The following SEZ6L variants were observed in gnomAD, a reference collection of about 807,000 sequenced individuals.
SEZ6L encodes the protein seizure 6-like protein.
In SEZ6L, 37 loss-of-function variants were observed where a neutral mutation model predicts 106.2. The observed-to-expected ratio is 0.35, with a 90% CI of 0.27 to 0.46. The LOEUF is 0.46. SEZ6L is among the 20% of genes least tolerant of loss of function. The pLI is 1.00. For synonymous variants in SEZ6L, 541 were observed against 570.4 expected (o/e 0.95, Z 0.73); for missense variants, 1,172 against 1,332.8 (o/e 0.88, Z 1.88).
chr22:26,319,261 C>T (rs8138872), intron 9 of SEZ6L, among the ~76,000 whole-genome samples: 73,459 of 151,984 alleles, frequency 0.48, 17,940 homozygotes, highest in South Asian at 0.69. Context: ...GCCACCACTG[C>T]GTCTTCCCAG....
At chr22:26,175,213 G>A (rs182399216) in intron 1 of SEZ6L, among the ~76,000 whole-genome samples, 201 of 152,336 alleles carry the variant, frequency 1.3e-3, no homozygotes, top group African/African-American at 4.7e-3. Context: ...AAGCATTTAA[G>A]TAAAGCTGGT....
chr22:26,313,832 G>T lies in SEZ6L; in HGVS notation c.1945G>T (p.Val649Leu). Reference protein sequence around the residue: ...VLSPNWPEPYVEGEDCIWKIH... With the variant: ...VLSPNWPEPYLEGEDCIWKIH... ...GTCCCCAAACTGGCCCGAGCCCTAC[G>T]TGGAAGGTGAAGATTGTATCTGGAA... is the stretch of plus-strand genomic sequence containing the variant. The change falls in exon 9 of 17, where the codon GTG becomes TTG. Residue 649 changes from valine to leucine, a missense_variant. This residue lies in a region of SEZ6L where 534 missense variants were observed against 691.0 expected (regional missense o/e 0.77). Transcript: ENST00000248933. 6.2e-7 allele frequency: 1 copy of T among 1,613,372 alleles called. No homozygotes were observed. The highest frequency in any genetic ancestry group is 2.2e-5 in the East Asian group (1 of 44,880).
At chr22:26,319,197 T>C (rs1217095189) in intron 9 of SEZ6L, among the ~76,000 whole-genome samples, 1 of 152,166 alleles carries the variant, frequency 6.6e-6, no homozygotes, top group Non-Finnish European at 1.5e-5. Context: ...AAAGTCAAAG[T>C]CTTCCCAGAG....
chr22:26,314,071 T>TAC lies in SEZ6L; in HGVS notation c.2015+193_2015+194dup, dbSNP rs55746736. Among the ~76,000 whole-genome samples, 526 of 145,700 alleles carry TAC rather than the reference T, an allele frequency of 3.6e-3. 3 individuals carry two copies. Among genetic ancestry groups the TAC allele is most frequent in the East Asian group, 0.017 (81 of 4,858 alleles). ...GTGAGACCAAGAACAGCATCACAAA[T>TAC]ACACACACACACACACACACACACA... On this transcript the variant is annotated intron_variant, in intron 9 of 16. Transcript: ENST00000248933.
chr22:26,377,760 C>T lies in SEZ6L; in HGVS notation c.3030C>T (p.Pro1010=). The T allele has an allele frequency of 6.2e-7, 1 of 1,612,326 alleles. No individual in the cohort carries two copies. The highest frequency in any genetic ancestry group is 1.1e-5 in the South Asian group (1 of 91,044). Residue 1010 remains proline, a synonymous_variant, in exon 16 of 17, where the codon CCC becomes CCT. Coordinates refer to ENST00000248933, the MANE Select transcript of SEZ6L (RefSeq NM_021115.5). ...QITVETEFDN[P]IYETGETREY... is the part of the protein sequence containing the mutation. ...CCGTGGAAACCGAGTTTGACAACCC[C>T]ATTTACGAGACAGGGGTGAGTTGGT...
chr22:26,185,381 T>C (rs1203636554), intron 1 of SEZ6L, among the ~76,000 whole-genome samples: 1 of 152,204 alleles, frequency 6.6e-6, no homozygotes, highest in Non-Finnish European at 1.5e-5. Context: ...GCCAAAAATA[T>C]GCTGTGTGAC....
intron 3 of SEZ6L, 35 bp downstream of exon 3, chr22:26,294,460 CG>C (rs2081232808): frequency 1.2e-6 from 2 of 1,600,170 alleles, no homozygotes; most frequent in East Asian, 4.5e-5. Flanking sequence ...GAGGCTGCCT[CG>C]TCTAGCAGGA....
chr22:26,198,803 G>T lies in SEZ6L; in HGVS notation c.94+29040G>T, dbSNP rs544808636. ...TGACATTTCCTTTAGGACCTGTGAAGCTGAGACTGCTCCCGGTAGACATTC... is the reference window on the plus strand; with the variant it reads ...TGACATTTCCTTTAGGACCTGTGAATCTGAGACTGCTCCCGGTAGACATTC... On this transcript the variant is annotated intron_variant, in intron 1 of 16. Coordinates refer to ENST00000248933, the MANE Select transcript of SEZ6L (RefSeq NM_021115.5). 7.2e-5 allele frequency among the ~76,000 whole-genome samples: 11 copies of T among 152,360 alleles called. No individual in the cohort carries two copies. In the East Asian group the frequency reaches 2.1e-3, roughly 29 times the overall value.
At chr22:26,366,942 C>T (rs1053923081) in intron 13 of SEZ6L, among the ~76,000 whole-genome samples, 1 of 152,098 alleles carries the variant, frequency 6.6e-6, no homozygotes, top group Non-Finnish European at 1.5e-5. Flanking sequence ...GCCACCACAC[C>T]CAGCTGTAGA....
chr22:26,266,598 TAA>T (rs1178066940), intron 1 of SEZ6L, among the ~76,000 whole-genome samples: 1 of 147,774 alleles, frequency 6.8e-6, no homozygotes, highest in African/African-American at 2.6e-5. Context: ...AATAAATAAA[TAA>T]ATAAATAAAT....
chr22:26,176,539 T>C (rs1218423980), intron 1 of SEZ6L, among the ~76,000 whole-genome samples: 2 of 152,234 alleles, frequency 1.3e-5, no homozygotes, highest in Non-Finnish European at 2.9e-5. Context: ...GCCTGGACTG[T>C]CATCCTAGAG....
chr22:26,283,561 A>G (rs71321084), intron 1 of SEZ6L, among the ~76,000 whole-genome samples: 8 of 152,244 alleles, frequency 5.3e-5, no homozygotes, highest in Admixed American at 4.6e-4. Flanking sequence ...TTGATCAACA[A>G]CAACAATAAA....
At chr22:26,342,978 G>A (rs1424794201) in intron 10 of SEZ6L, among the ~76,000 whole-genome samples, 1 of 152,176 alleles carries the variant, frequency 6.6e-6, no homozygotes, top group Non-Finnish European at 1.5e-5. Context: ...CCACCTCTCA[G>A]AGAGGCTAAC....
intron 1 of SEZ6L, among the ~76,000 whole-genome samples, chr22:26,269,485 C>T (rs1011400777): frequency 6.6e-6 from 1 of 151,772 alleles, no homozygotes; most frequent in Non-Finnish European, 1.5e-5. Flanking sequence ...GGAACCCTAA[C>T]CTCGTTGTTT....
At chr22:26,222,856 C>T (rs1184832828) in intron 1 of SEZ6L, among the ~76,000 whole-genome samples, 1 of 152,028 alleles carries the variant, frequency 6.6e-6, no homozygotes, top group African/African-American at 2.4e-5. Flanking sequence ...CAATTTTGCC[C>T]ACCAGGAGAT....
At chr22:26,280,479 C>T (rs887589610) in intron 1 of SEZ6L, among the ~76,000 whole-genome samples, 2 of 152,080 alleles carry the variant, frequency 1.3e-5, no homozygotes, top group East Asian at 1.9e-4. Context: ...TGTTTTTGCA[C>T]GAAAGGTAGC....
intron 1 of SEZ6L, among the ~76,000 whole-genome samples, chr22:26,274,310 T>A (rs62225678): frequency 0.29 from 43,384 of 150,744 alleles, 6,998 homozygotes; most frequent in Non-Finnish European, 0.37. Flanking sequence ...ATATAGGACC[T>A]TGGATATAGG....
intron 5 of SEZ6L, among the ~76,000 whole-genome samples, chr22:26,302,307 A>G (rs536333925): frequency 1.3e-5 from 2 of 152,324 alleles, no homozygotes; most frequent in South Asian, 2.1e-4. Context: ...TGGGTGACTC[A>G]TATGCACATT....
At chr22:26,281,273 C>T (rs2080754749) in intron 1 of SEZ6L, among the ~76,000 whole-genome samples, 1 of 152,176 alleles carries the variant, frequency 6.6e-6, no homozygotes. Flanking sequence ...TGCACTGCGT[C>T]ACTATGAGAC....
Sources: allele counts gnomAD v4.1 joint callset (sites outside exome capture counted in the v4.1 genomes callset), GRCh38; gene constraint gnomAD v4.1.1; regional missense constraint gnomAD v4.1.1; transcripts MANE v1.5; gene names NCBI Gene and HGNC (gene_info 2026-07-23, HGNC 2026-07-21).